DEPTOR: variants seen among roughly 807,000 people sequenced by gnomAD.
DEPTOR encodes the protein DEP domain containing MTOR interacting protein.
Under a neutral mutation model 41.6 loss-of-function variants are expected in DEPTOR, and 41 were observed. The ratio of observed to expected loss-of-function variants is 0.98; its 90% CI spans 0.77 to 1.28. The LOEUF is 1.28. DEPTOR is among the 50% of genes most tolerant of loss of function. The pLI, the probability that DEPTOR is intolerant of heterozygous loss-of-function variation, is 0.00. For synonymous variants in DEPTOR, 195 were observed against 192.3 expected, an observed-to-expected ratio of 1.01 and a Z score of -0.12; for missense variants, 514 against 527.9, an observed-to-expected ratio of 0.97 and a Z score of 0.26.
At chr8:119,949,560 G>A (rs1436756200) in intron 3 of DEPTOR, among the ~76,000 whole-genome samples, 3 of 152,110 alleles carry the variant, frequency 2.0e-5, no homozygotes, top group Non-Finnish European at 4.4e-5. Flanking sequence ...TCCAACTAGC[G>A]GATATGAAAT....
At chr8:119,882,314 T>G (rs906541964) in intron 1 of DEPTOR, among the ~76,000 whole-genome samples, 1 of 152,172 alleles carries the variant, frequency 6.6e-6, no homozygotes, top group African/African-American at 2.4e-5. Context: ...AGGAAGGTCA[T>G]TCTTCTGTCC....
chr8:119,974,464 A>G (rs1828672520), intron 4 of DEPTOR, among the ~76,000 whole-genome samples: 1 of 152,020 alleles, frequency 6.6e-6, no homozygotes, highest in Admixed American at 6.6e-5. Context: ...GTAAATCTCT[A>G]GGATAGATCT....
At chr8:119,903,567 A>G (rs989615766) in intron 1 of DEPTOR, among the ~76,000 whole-genome samples, 1 of 152,196 alleles carries the variant, frequency 6.6e-6, no homozygotes, top group Admixed American at 6.5e-5. Context: ...GATCTAATCC[A>G]GCTCCTTTAA....
At chr8:120,004,604 T>C (rs916404609) in intron 6 of DEPTOR, among the ~76,000 whole-genome samples, 12 of 152,180 alleles carry the variant, frequency 7.9e-5, no homozygotes, top group African/African-American at 2.9e-4. Flanking sequence ...AAAATCCATG[T>C]TCCCTGAGGT....
At chr8:119,980,239 TA>T (rs1413446852) in intron 4 of DEPTOR, among the ~76,000 whole-genome samples, 1 of 152,102 alleles carries the variant, frequency 6.6e-6, no homozygotes, top group East Asian at 1.9e-4. Flanking sequence ...TATTATCATT[TA>T]AAAATGCAAT....
intron 3 of DEPTOR, among the ~76,000 whole-genome samples, chr8:119,951,104 C>T (rs1828348245): frequency 6.6e-6 from 1 of 151,804 alleles, no homozygotes; most frequent in African/African-American, 2.4e-5. Flanking sequence ...CATCAATTTT[C>T]CCAGATTGTC....
At chr8:119,892,693 CATTTGTCTACATGTTCACT>C (rs1303247769) in intron 1 of DEPTOR, among the ~76,000 whole-genome samples, 51 of 152,310 alleles carry the variant, frequency 3.3e-4, no homozygotes, top group African/African-American at 1.1e-3. Context: ...GGAGCCAACA[CATTTGTCTACATGTTCACT>C]ATTTGCTGAG....
intron 3 of DEPTOR, among the ~76,000 whole-genome samples, chr8:119,946,060 G>A (rs567998035): frequency 7.2e-5 from 11 of 152,104 alleles, no homozygotes; most frequent in Non-Finnish European, 1.0e-4. Context: ...ATTCCAAGGG[G>A]TGTAGTTGCT....
At chr8:120,003,267 G>C (rs77878588) in intron 6 of DEPTOR, among the ~76,000 whole-genome samples, 156 bp downstream of exon 6, 1 of 152,104 alleles carries the variant, frequency 6.6e-6, no homozygotes, top group Non-Finnish European at 1.5e-5. Context: ...AGGGAAGGAA[G>C]AATTGGGCTG....
intron 1 of DEPTOR, among the ~76,000 whole-genome samples, chr8:119,896,140 C>T (rs1827517406): frequency 6.6e-6 from 1 of 151,922 alleles, no homozygotes; most frequent in Non-Finnish European, 1.5e-5. Context: ...ATAGTAACAA[C>T]AATAATAAAA....
intron 1 of DEPTOR, among the ~76,000 whole-genome samples, chr8:119,924,228 C>G (rs1305989697): frequency 6.6e-6 from 1 of 152,124 alleles, no homozygotes; most frequent in East Asian, 1.9e-4. Flanking sequence ...AGAGATGGAT[C>G]CCACTGCTAT....
At chr8:119,943,746 A>G (rs1227735838) in intron 3 of DEPTOR, among the ~76,000 whole-genome samples, 2 of 152,202 alleles carry the variant, frequency 1.3e-5, no homozygotes, top group African/African-American at 2.4e-5. Context: ...CTGTCAGACC[A>G]GGAGCTTCAC....
chr8:119,944,641 G>A (rs1828247758), intron 3 of DEPTOR, among the ~76,000 whole-genome samples: 1 of 148,830 alleles, frequency 6.7e-6, no homozygotes. Context: ...ATGATTGCAT[G>A]GTAATTCTTT....
chr8:119,916,046 T>TG (rs374583657), intron 1 of DEPTOR, among the ~76,000 whole-genome samples: 1 of 151,550 alleles, frequency 6.6e-6, no homozygotes, highest in African/African-American at 2.4e-5. Flanking sequence ...AATAACCCTA[T>TG]GAGACATTCT....
At chr8:119,976,105 A>G (rs1323926408) in intron 4 of DEPTOR, among the ~76,000 whole-genome samples, 1 of 151,142 alleles carries the variant, frequency 6.6e-6, no homozygotes, top group Non-Finnish European at 1.5e-5. Context: ...CAGGCAATCC[A>G]CCTGCCTGGC....
chr8:120,033,451 A>C (rs1397922865), intron 8 of DEPTOR, among the ~76,000 whole-genome samples: 1 of 152,188 alleles, frequency 6.6e-6, no homozygotes, highest in Non-Finnish European at 1.5e-5. Context: ...GTGTAACTAC[A>C]TGGCAGAGCC....
At chr8:119,918,307 CAG>C in intron 1 of DEPTOR, among the ~76,000 whole-genome samples, 1 of 152,328 alleles carries the variant, frequency 6.6e-6, no homozygotes, top group East Asian at 1.9e-4. Flanking sequence ...TGACAAGACA[CAG>C]AGGTTGCATA....
In DEPTOR at chr8:119,928,901, T is replaced by C. The variant is rs544960192; in HGVS notation, c.301+323T>C. 2.6e-5 allele frequency among the ~76,000 whole-genome samples: 4 copies of C among 152,220 alleles called. No individual in the cohort carries two copies. In the South Asian group the frequency reaches 8.3e-4, roughly 32 times the overall value. On this transcript the variant is annotated intron_variant, in intron 2 of 8. Coordinates refer to ENST00000286234, the MANE Select transcript of DEPTOR (RefSeq NM_022783.4). Reference sequence around the variant, plus strand: ...CCACTGTGTCCAGCTGGCATTTGGGTTATTTCTATGTACTGCTTTATACCT... The same window carrying C: ...CCACTGTGTCCAGCTGGCATTTGGGCTATTTCTATGTACTGCTTTATACCT...
chr8:120,010,368 A>G (rs1812511607), intron 8 of DEPTOR, among the ~76,000 whole-genome samples: 1 of 151,762 alleles, frequency 6.6e-6, no homozygotes, highest in African/African-American at 2.4e-5. Flanking sequence ...TAATTCCAGC[A>G]TCTTGGGAGG....
Sources: gnomAD v4.1 joint callset for allele counts (sites outside exome capture counted in the v4.1 genomes callset) on GRCh38, gnomAD v4.1.1 for gene constraint, MANE v1.5 for transcripts, NCBI Gene and HGNC (gene_info 2026-07-23, HGNC 2026-07-21) for gene names.